Variants in MGMT observed in about 807,000 individuals in gnomAD.
MGMT encodes O-6-methylguanine-DNA methyltransferase, also known as methylated-DNA--protein-cysteine methyltransferase.
Under a neutral mutation model 15.9 loss-of-function variants are expected in MGMT, and 14 were observed. The observed-to-expected ratio is 0.88, with a 90% confidence interval of 0.58 to 1.37. MGMT has a LOEUF of 1.37. Ranked by LOEUF, MGMT falls within the 40% of genes most tolerant of loss-of-function variation. The pLI, the probability that MGMT is intolerant of heterozygous loss-of-function variation, is 0.00. For missense variants in MGMT, 282 were observed against 268.1 expected (o/e 1.05, Z -0.36); for synonymous variants, 130 against 118.2 (o/e 1.10, Z -0.65).
chr10:129,731,775 G>A lies in MGMT; in HGVS notation c.274+23732G>A, dbSNP rs182645357. ...AGGATATCATAGGTAATATGCTTCT[G>A]GAAATGAGTTTTCCAAGACAGACAC... On this transcript the variant is annotated intron_variant, in intron 3 of 4. Coordinates refer to ENST00000651593, the MANE Select transcript of MGMT (RefSeq NM_002412.5). 5.3e-5 allele frequency among the ~76,000 whole-genome samples: 8 copies of A among 152,256 alleles called. No homozygotes were observed. In the East Asian group the frequency reaches 1.3e-3, roughly 26 times the overall value.
chr10:129,646,748 A>T (rs373338403), intron 2 of MGMT, among the ~76,000 whole-genome samples: 4,017 of 63,612 alleles, frequency 0.063, 408 homozygotes, highest in Admixed American at 0.083. Flanking sequence ...ATATATATAT[A>T]TATATATTTT....
rs543539344 is a variant in MGMT at position 129,518,843 on chromosome 10, T to C, written c.-12-17398T>C. ...TCAAAAGGTTATGTGGATTTTTGAC[T>C]GTGTGGGGCTTCAACAGCCCAACCC... On this transcript the variant is annotated intron_variant, in intron 1 of 4. Coordinates refer to ENST00000651593, the MANE Select transcript of MGMT (RefSeq NM_002412.5). 2.0e-5 allele frequency among the ~76,000 whole-genome samples: 3 copies of C among 151,898 alleles called. No homozygotes were observed. In the East Asian group the frequency reaches 5.9e-4, roughly 30 times the overall value.
intron 1 of MGMT, among the ~76,000 whole-genome samples, chr10:129,491,983 A>T (rs994507057): frequency 5.3e-5 from 8 of 151,842 alleles, no homozygotes; most frequent in African/African-American, 1.9e-4. Flanking sequence ...TATTAAATAC[A>T]TGTTTTTGCT....
chr10:129,719,284 G>A (rs1848339844), intron 3 of MGMT, among the ~76,000 whole-genome samples: 1 of 152,270 alleles, frequency 6.6e-6, no homozygotes, highest in Non-Finnish European at 1.5e-5. Context: ...TGCCTGCTCA[G>A]ATATACTGTC....
intron 2 of MGMT, among the ~76,000 whole-genome samples, chr10:129,676,663 C>A (rs953884140): frequency 6.6e-6 from 1 of 152,142 alleles, no homozygotes; most frequent in African/African-American, 2.4e-5. Context: ...TAAATGGATT[C>A]TTTTAAATAA....
chr10:129,639,189 TAA>T (rs1383906033), intron 2 of MGMT, among the ~76,000 whole-genome samples: 1 of 152,096 alleles, frequency 6.6e-6, no homozygotes, highest in African/African-American at 2.4e-5. Context: ...ATTGTTTGTT[TAA>T]GAGAAAAAAA....
chr10:129,584,967 A>T (rs931724290), intron 2 of MGMT, among the ~76,000 whole-genome samples: 15 of 152,154 alleles, frequency 9.9e-5, no homozygotes, highest in Non-Finnish European at 2.2e-4. Flanking sequence ...CTCTTGGGGT[A>T]TATATACACA....
At chr10:129,724,060 C>G (rs908903116) in intron 3 of MGMT, among the ~76,000 whole-genome samples, 9 of 152,208 alleles carry the variant, frequency 5.9e-5, no homozygotes, top group Non-Finnish European at 1.2e-4. Context: ...TCCACAAAAA[C>G]GTATTCAAGA....
At chr10:129,714,975 T>C (rs913415378) in intron 3 of MGMT, among the ~76,000 whole-genome samples, 1 of 152,106 alleles carries the variant, frequency 6.6e-6, no homozygotes, top group African/African-American at 2.4e-5. Flanking sequence ...ATCCTGAATG[T>C]AAGAGGTGGC....
intron 2 of MGMT, among the ~76,000 whole-genome samples, chr10:129,620,490 C>T (rs530488697): frequency 1.3e-5 from 2 of 152,312 alleles, no homozygotes; most frequent in African/African-American, 4.8e-5. Flanking sequence ...CAACTCTTGC[C>T]TTGTGCCTTC....
chr10:129,493,538 C>G (rs959068486), intron 1 of MGMT, among the ~76,000 whole-genome samples: 5 of 152,104 alleles, frequency 3.3e-5, no homozygotes, highest in African/African-American at 1.2e-4. Context: ...TTGCATAAAG[C>G]TACCAGAAGA....
At position 129,706,493 on chromosome 10, in the gene MGMT, G is replaced by A. The variant is rs909870996; in HGVS notation, c.126-1402G>A. 1.2e-3 allele frequency among the ~76,000 whole-genome samples: 184 copies of A among 152,198 alleles called. 3 individuals are homozygous for A. The highest frequency in any genetic ancestry group is 4.3e-4 in the Non-Finnish European group (29 of 68,028). On this transcript the variant is annotated intron_variant, in intron 2 of 4. Coordinates refer to ENST00000651593, the MANE Select transcript of MGMT (RefSeq NM_002412.5). The stretch of plus-strand genomic sequence containing the variant: ...GAGCTGTGCGTCCACAGCATCCACA[G>A]TGCAGTGACGTTTCCCACCTTTTCA...
intron 3 of MGMT, among the ~76,000 whole-genome samples, chr10:129,708,923 C>G (rs1054864842): frequency 2.0e-5 from 3 of 152,152 alleles, no homozygotes; most frequent in African/African-American, 7.2e-5. Context: ...CAGCACAAAA[C>G]AAACTTGAAA....
intron 1 of MGMT, among the ~76,000 whole-genome samples, chr10:129,479,708 G>A (rs1845335396): frequency 6.6e-6 from 1 of 150,814 alleles, no homozygotes; most frequent in Non-Finnish European, 1.5e-5. Flanking sequence ...TGGAGGACAT[G>A]AGTGTGTTTC....
At chr10:129,745,118 C>T (rs1436162094) in intron 3 of MGMT, among the ~76,000 whole-genome samples, 2 of 152,082 alleles carry the variant, frequency 1.3e-5, no homozygotes, top group Non-Finnish European at 2.9e-5. Flanking sequence ...GAAAATGTGA[C>T]CTAGATTCCC....
intron 1 of MGMT, among the ~76,000 whole-genome samples, chr10:129,480,067 T>C (rs563394829): frequency 4.8e-4 from 73 of 152,350 alleles, no homozygotes; most frequent in African/African-American, 1.3e-3. Flanking sequence ...AGGAATGTTA[T>C]CAGTTTCCAT....
intron 1 of MGMT, among the ~76,000 whole-genome samples, chr10:129,490,723 A>G (rs554090866): frequency 6.6e-6 from 1 of 152,156 alleles, no homozygotes; most frequent in African/African-American, 2.4e-5. Flanking sequence ...TACTTTTACC[A>G]TCTTGCTATC....
intron 3 of MGMT, among the ~76,000 whole-genome samples, chr10:129,720,460 G>A (rs559862863): frequency 1.3e-5 from 2 of 152,296 alleles, no homozygotes; most frequent in African/African-American, 2.4e-5. Flanking sequence ...CCACAGCACC[G>A]GGCTGTCTGC....
At chr10:129,657,729 C>CACACACACCCA (rs1564750921) in intron 2 of MGMT, among the ~76,000 whole-genome samples, 2 of 122,292 alleles carry the variant, frequency 1.6e-5, no homozygotes, top group African/African-American at 3.2e-5. Context: ...ACACACACAC[C>CACACACACCCA]CCCTCTCCCC....
Sources: allele counts gnomAD v4.1 joint callset (sites outside exome capture counted in the v4.1 genomes callset), GRCh38; gene constraint gnomAD v4.1.1; transcripts MANE v1.5; gene names NCBI Gene and HGNC (gene_info 2026-07-23, HGNC 2026-07-21).